DBNDD1: variants seen among roughly 807,000 people sequenced by gnomAD.
DBNDD1 encodes dysbindin domain containing 1.
A neutral mutation model predicts 17.0 loss-of-function variants in DBNDD1; 14 were observed. That is an observed-to-expected ratio of 0.82 (90% CI 0.54 to 1.29). The LOEUF is 1.29. Among genes scored for constraint, DBNDD1 ranks in the 50% most tolerant of loss-of-function variants. The pLI, the probability that DBNDD1 is intolerant of heterozygous loss-of-function variation, is 0.00. For missense variants in DBNDD1, 221 were observed against 216.2 expected (o/e 1.02, Z -0.14); for synonymous variants, 105 against 102.0 (o/e 1.03, Z -0.18).
rs2035402484 is a variant in DBNDD1 at position 90,005,340 on chromosome 16, A to G, written c.*995T>C. On this transcript the variant is annotated 3_prime_UTR_variant, in exon 4 of 4. Coordinates refer to ENST00000002501, the MANE Select transcript of DBNDD1 (RefSeq NM_001042610.3). ...GCAAGAAGCCCATTCTGTGAGCTTC[A>G]GCATATAAGCATTGGGAGGGTGTGA... is the stretch of plus-strand genomic sequence containing the variant. The G allele has an allele frequency of 6.6e-6, 1 of 152,304 alleles. No homozygotes were observed. Among genetic ancestry groups the G allele is most frequent in the African/African-American group, 2.4e-5 (1 of 41,464 alleles). 9.4% of individuals were successfully genotyped at this position (152,304 alleles called of 1,614,324 possible).
In DBNDD1 at chr16:90,019,349, G is replaced by C; in HGVS notation, c.-8C>G. 1 of 1,217,004 alleles carries C rather than the reference G, an allele frequency of 8.2e-7. No homozygotes were observed. The highest frequency in any genetic ancestry group is 3.3e-5 in the East Asian group (1 of 30,528). The allele number at this position is 1,217,004 out of a possible 1,614,324, so 75.4% of individuals were successfully genotyped here. A position where few individuals can be genotyped will look rare whatever the true frequency, so the allele number is the denominator to read the frequency against. ...GCCCTCCGGGGGCTCCATGCGGCCG[G>C]TGCGGTCTGGGAGGGGCACGGGCGA... On this transcript the variant is annotated 5_prime_UTR_variant, in exon 1 of 4. Transcript: ENST00000002501. This position sits in a 1 kb window ranked among gnomAD's most constrained non-coding sequence, Gnocchi z 6.1.
chr16:90,006,553 G>A, intron 3 of DBNDD1, 61 bp from the exon 4 acceptor site: 1 of 1,557,618 alleles, frequency 6.4e-7, no homozygotes, highest in Non-Finnish European at 8.7e-7. Context: ...ATGCTGCGGA[G>A]CTCCAGGTGC....
At chr16:90,019,691 G>C (rs1453054636), upstream of DBNDD1, 11 of 559,892 alleles carry the variant, frequency 2.0e-5, no homozygotes, top group Non-Finnish European at 2.8e-5. This position sits in a 1 kb window ranked among gnomAD's most constrained non-coding sequence, Gnocchi z 6.1. Flanking sequence ...GCGCCCTCCC[G>C]ACCCCGGCCG....
At chr16:90,015,885 TC>T (rs1167499209) in intron 1 of DBNDD1, among the ~76,000 whole-genome samples, 1 of 151,870 alleles carries the variant, frequency 6.6e-6, no homozygotes, top group Admixed American at 6.6e-5. Context: ...TGGGTTTCTT[TC>T]TGGGGGGGTA....
chr16:90,006,347 G>C lies in DBNDD1; in HGVS notation c.465C>G (p.Pro155=). The C allele has an allele frequency of 6.2e-7, 1 of 1,608,524 alleles. No individual in the cohort carries two copies. The highest frequency in any genetic ancestry group is 1.1e-5 in the South Asian group (1 of 90,332). The change falls in exon 4 of 4, where the codon CCC becomes CCG. Residue 155 remains proline, a synonymous_variant. Coordinates refer to ENST00000002501, the MANE Select transcript of DBNDD1 (RefSeq NM_001042610.3). ...VLDTFLTVER[P]QED is the part of the protein sequence containing the mutation. Reference sequence around the variant, plus strand: ...AGGTGGAGATGGTCTAGTCCTCCTGGGGCCTCTCCACAGTGAGAAACGTGT... The same window carrying C: ...AGGTGGAGATGGTCTAGTCCTCCTGCGGCCTCTCCACAGTGAGAAACGTGT...
chr16:90,009,734 C>T, intron 1 of DBNDD1: 2 of 628,464 alleles, frequency 3.2e-6, no homozygotes, highest in South Asian at 2.0e-5. Flanking sequence ...CGTGGAAGTC[C>T]CACCAGGGCC....
chr16:90,019,694 C>G (rs1226143203), upstream of DBNDD1: 1 of 566,842 alleles, frequency 1.8e-6, no homozygotes, highest in Non-Finnish European at 3.1e-6. This position sits in a 1 kb window ranked among gnomAD's most constrained non-coding sequence, Gnocchi z 6.1. Flanking sequence ...CCCTCCCGAC[C>G]CCGGCCGGGC....
In DBNDD1 at chr16:90,006,369, G is replaced by T; in HGVS notation, c.443C>A (p.Thr148Lys). The T allele has an allele frequency of 6.2e-7, 1 of 1,609,302 alleles. No individual in the cohort carries two copies. Residue 148 changes from threonine (T) to lysine (K), a missense_variant, in exon 4 of 4, where the codon ACG becomes AAG. Transcript: ENST00000002501. ...CTGGGGCCTCTCCACAGTGAGAAACGTGTCCAGGACTGTGGCCTGCCGCTC... is the reference window on the plus strand; with the variant it reads ...CTGGGGCCTCTCCACAGTGAGAAACTTGTCCAGGACTGTGGCCTGCCGCTC... ...DPERQATVLD[T>K]FLTVERPQED
chr16:90,012,518 G>A (rs2151263310), intron 1 of DBNDD1, among the ~76,000 whole-genome samples: 1 of 151,200 alleles, frequency 6.6e-6, no homozygotes, highest in African/African-American at 2.4e-5. Context: ...GGAGTGCAAT[G>A]GCGTGATCTT....
chr16:90,012,671 C>T (rs1220920709), intron 1 of DBNDD1, among the ~76,000 whole-genome samples: 1 of 152,026 alleles, frequency 6.6e-6, no homozygotes, highest in Non-Finnish European at 1.5e-5. Flanking sequence ...GTTGGTCAGG[C>T]TGGTCTCAAA....
intron 1 of DBNDD1, chr16:90,009,679 G>C (rs1232027593): frequency 4.7e-6 from 3 of 638,818 alleles, no homozygotes; most frequent in Non-Finnish European, 8.0e-6. Flanking sequence ...CTGAGATCCA[G>C]ATCACCTTTG....
At position 90,019,026 on chromosome 16, in the gene DBNDD1, G is replaced by A. The variant is rs922467614; in HGVS notation, c.31+285C>T. Among the ~76,000 whole-genome samples the A allele has an allele frequency of 2.6e-5, 4 of 152,184 alleles. No homozygotes were observed. In the East Asian group the frequency reaches 7.7e-4, roughly 29 times the overall value. ...GGTCACCGGCTGGCTTGGCTGGGAGGGGGCTCAGGACGAAACTCCGGGCCA... is the reference window on the plus strand; with the variant it reads ...GGTCACCGGCTGGCTTGGCTGGGAGAGGGCTCAGGACGAAACTCCGGGCCA... On this transcript the variant is annotated intron_variant, in intron 1 of 3. Coordinates refer to ENST00000002501, the MANE Select transcript of DBNDD1 (RefSeq NM_001042610.3). This position sits in a 1 kb window ranked among gnomAD's most constrained non-coding sequence, Gnocchi z 6.1.
chr16:90,009,067 A>C (rs1290485735), intron 2 of DBNDD1, 143 bp from the exon 3 acceptor site: 1 of 1,257,590 alleles, frequency 8.0e-7, no homozygotes, highest in African/African-American at 1.5e-5. Flanking sequence ...CACCGGCAGG[A>C]TCTGATGAGT....
chr16:90,010,367 CTTTTTTTT>C (rs34659525), intron 1 of DBNDD1, among the ~76,000 whole-genome samples: 1 of 123,794 alleles, frequency 8.1e-6, no homozygotes, highest in Non-Finnish European at 1.7e-5. Flanking sequence ...ACGTAACTAC[CTTTTTTTT>C]TTTTTTTTTT....
intron 1 of DBNDD1, among the ~76,000 whole-genome samples, chr16:90,014,271 CGT>C (rs1171990870): frequency 3.3e-5 from 5 of 151,968 alleles, no homozygotes; most frequent in Non-Finnish European, 5.9e-5. Flanking sequence ...GGATTACAGG[CGT>C]GCGCCACCAT....
At chr16:90,012,504 G>T (rs1398757143) in intron 1 of DBNDD1, among the ~76,000 whole-genome samples, 1 of 150,960 alleles carries the variant, frequency 6.6e-6, no homozygotes, top group Non-Finnish European at 1.5e-5. Context: ...TTGTTGCCCA[G>T]GCTGGAGTGC....
chr16:90,016,117 G>A (rs72813477), intron 1 of DBNDD1, among the ~76,000 whole-genome samples: 19,154 of 152,174 alleles, frequency 0.13, 2,229 homozygotes, highest in East Asian at 0.62. Context: ...TCGGCCACAC[G>A]CCAGACCCCC....
At chr16:90,017,311 C>G (rs62054582) in intron 1 of DBNDD1, among the ~76,000 whole-genome samples, 1 of 151,976 alleles carries the variant, frequency 6.6e-6, no homozygotes, top group Non-Finnish European at 1.5e-5. Context: ...CTGGCTAACA[C>G]AGTGAAACCC....
Position 90,009,269 on chromosome 16 carries a change from G to A in DBNDD1, c.178+15C>T, listed in dbSNP as rs373444495. On this transcript the variant is annotated intron_variant, in intron 2 of 3. Transcript: ENST00000002501. ...GGGTCCCCATAGCGTGCGCTGGGCA[G>A]GGAGCAGTACTTACGCCTCCTCTCC... 1.2e-6 allele frequency: 2 copies of A among 1,612,080 alleles called. No individual in the cohort carries two copies. The highest frequency in any genetic ancestry group is 2.7e-5 in the African/African-American group (2 of 74,896).
Sources: allele counts gnomAD v4.1 joint callset (sites outside exome capture counted in the v4.1 genomes callset), GRCh38; gene constraint gnomAD v4.1.1; non-coding constraint Gnocchi (gnomAD v3.1); transcripts MANE v1.5; gene names NCBI Gene and HGNC (gene_info 2026-07-23, HGNC 2026-07-21).